The following DCTN5 variants were observed in gnomAD, a reference collection of about 807,000 sequenced individuals.
DCTN5 encodes dynactin 4.
In DCTN5, 14 loss-of-function variants were observed where a neutral mutation model predicts 23.5. That is an observed-to-expected ratio of 0.60 (90% confidence interval 0.39 to 0.93). The LOEUF (loss-of-function observed/expected upper bound fraction) is 0.93, where lower values mean the gene tolerates loss of function less well. DCTN5 is among the 40% of genes least tolerant of loss of function. The pLI is 0.00. For missense variants in DCTN5, 156 were observed against 225.9 expected (o/e 0.69, Z 1.98); for synonymous variants, 67 against 79.6 (o/e 0.84, Z 0.84).
chr16:23,664,059 A>G (rs1159804769), intron 4 of DCTN5, among the ~76,000 whole-genome samples: 3 of 152,182 alleles, frequency 2.0e-5, no homozygotes, highest in African/African-American at 7.2e-5. Flanking sequence ...TCATGAACTT[A>G]GTCTGAGTTA....
At position 23,641,477 on chromosome 16, in the gene DCTN5, G is replaced by A. The variant is rs1567226309; in HGVS notation, c.-66G>A. ...GTGGAGGAGCGGCCGGAAGTAGCCG[G>A]AATCTCTGAAAGACTGACCGACTGA... On this transcript the variant is annotated 5_prime_UTR_variant, in exon 1 of 6. Coordinates refer to ENST00000300087, the MANE Select transcript of DCTN5 (RefSeq NM_032486.4). The A allele has an allele frequency of 1.3e-6, 2 of 1,596,764 alleles. No individual in the cohort carries two copies. Among genetic ancestry groups the A allele is most frequent in the Non-Finnish European group, 1.7e-6 (2 of 1,165,976 alleles).
rs759742267 is a variant in DCTN5, at chr16:23,658,524, CTG to C, written c.137_138del (p.Cys46TyrfsTer21). 4 of 1,613,846 alleles carry C rather than the reference CTG, an allele frequency of 2.5e-6. No homozygotes were observed. The highest frequency in any genetic ancestry group is 1.3e-5 in the African/African-American group (1 of 74,894). On this transcript the variant is annotated frameshift_variant, in exon 3 of 6. Transcript: ENST00000300087. LOFTEE classifies it high-confidence loss of function. ...TCTTACAGACCATTGTGATGAATGA[CTG>C]TATTATCCGAGGGGATCTGGCAAAT... ...LNGKTIVMND[C>X]IIRGDLANVR...
rs1968048662 is a variant in DCTN5 at position 23,673,699 on chromosome 16, G to C, written c.*6555G>C. 1 of 152,174 alleles carries C rather than the reference G, an allele frequency of 6.6e-6. No individual in the cohort carries two copies. Among genetic ancestry groups the C allele is most frequent in the African/African-American group, 2.4e-5 (1 of 41,444 alleles). The allele number at this position is 152,174 out of a possible 1,614,324, so 9.4% of individuals were successfully genotyped here. A position where few individuals can be genotyped will look rare whatever the true frequency, so the allele number is the denominator to read the frequency against. ...GGTGTTAGTGGGATACAGCTTTCTA[G>C]TTTTTTGCCACTAGTGGATAGGTTG... is the stretch of plus-strand genomic sequence containing the variant. On this transcript the variant is annotated 3_prime_UTR_variant, in exon 6 of 6. Transcript: ENST00000300087.
chr16:23,671,975 G>C lies in DCTN5; in HGVS notation c.*4831G>C, dbSNP rs1168452847. On this transcript the variant is annotated 3_prime_UTR_variant, in exon 6 of 6. Transcript: ENST00000300087. ...ACCCACTCTGGCTTTCATACCATGG[G>C]TCTGAACATTAGCCCATGGTGTTTC... 1 of 152,204 alleles carries C rather than the reference G, an allele frequency of 6.6e-6. No homozygotes were observed. The highest frequency in any genetic ancestry group is 2.4e-5 in the African/African-American group (1 of 41,436). 9.4% of individuals were successfully genotyped at this position (152,204 alleles called of 1,614,324 possible).
At chr16:23,659,568 A>C (rs766122448) in intron 3 of DCTN5, among the ~76,000 whole-genome samples, 8 of 152,366 alleles carry the variant, frequency 5.3e-5, no homozygotes, top group Non-Finnish European at 7.3e-5. Context: ...TCAGATAGCG[A>C]CATATGACAG....
In DCTN5 at chr16:23,661,174, G is replaced by T. The variant is rs1238029230; in HGVS notation, c.241G>T (p.Ala81Ser). The T allele has an allele frequency of 6.2e-7, 1 of 1,607,764 alleles. No individual in the cohort carries two copies. Among genetic ancestry groups the T allele is most frequent in the Non-Finnish European group, 8.5e-7 (1 of 1,175,832 alleles). Residue 81 changes from alanine (A) to serine (S), a missense_variant, in exon 4 of 6, where the codon GCA becomes TCA. Coordinates refer to ENST00000300087, the MANE Select transcript of DCTN5 (RefSeq NM_032486.4). ...PPFKKFSKGVAFFPLHIGDHV... is the reference protein window; with the variant it reads ...PPFKKFSKGVSFFPLHIGDHV... ...CATCTTCTTTTCCTCTTCTAGTGTTGCATTCTTTCCTTTACATATTGGAGA... is the reference window on the plus strand; with the variant it reads ...CATCTTCTTTTCCTCTTCTAGTGTTTCATTCTTTCCTTTACATATTGGAGA...
intron 2 of DCTN5, among the ~76,000 whole-genome samples, chr16:23,646,452 T>C (rs1967460546): frequency 6.6e-6 from 1 of 152,232 alleles, no homozygotes. Context: ...CTTCTGTTGC[T>C]TGTGTTTTTG....
At chr16:23,651,260 C>A in intron 2 of DCTN5, 1 of 953,950 alleles carries the variant, frequency 1.0e-6, no homozygotes, top group Non-Finnish European at 1.3e-6. Context: ...CACCTCCTTT[C>A]ATTTGCTTCT....
chr16:23,647,141 T>G (rs1223837798), intron 2 of DCTN5, among the ~76,000 whole-genome samples: 1 of 151,956 alleles, frequency 6.6e-6, no homozygotes, highest in Non-Finnish European at 1.5e-5. Flanking sequence ...TCTGGTTTTT[T>G]TTTTTTTTTG....
chr16:23,654,361 C>G (rs1464470915), intron 2 of DCTN5, among the ~76,000 whole-genome samples: 8 of 152,078 alleles, frequency 5.3e-5, no homozygotes, highest in Non-Finnish European at 1.5e-5. Flanking sequence ...AGAATGAGAT[C>G]ATATTTTTTG....
intron 2 of DCTN5, among the ~76,000 whole-genome samples, chr16:23,648,491 A>G (rs1224479590): frequency 6.6e-6 from 1 of 151,912 alleles, no homozygotes; most frequent in Non-Finnish European, 1.5e-5. Context: ...CTGGGATTAC[A>G]GGTGCACACC....
intron 2 of DCTN5, among the ~76,000 whole-genome samples, chr16:23,645,336 G>A (rs555416261): frequency 1.3e-5 from 2 of 150,810 alleles, no homozygotes; most frequent in African/African-American, 2.4e-5. Flanking sequence ...TGTTGATCAG[G>A]CTGGTCTCGA....
At position 23,676,952 on chromosome 16, in the gene DCTN5, CAT is replaced by C. The variant is rs965019598; in HGVS notation, c.*9811_*9812del. The C allele has an allele frequency of 1.2e-4, 18 of 152,230 alleles. No individual in the cohort carries two copies. The highest frequency in any genetic ancestry group is 4.3e-4 in the African/African-American group (18 of 41,446). The allele number at this position is 152,230 out of a possible 1,614,324, so 9.4% of individuals were successfully genotyped here. A position where few individuals can be genotyped will look rare whatever the true frequency, so the allele number is the denominator to read the frequency against. ...GCTTTCCTTCTGGGAGTCAGATTTT[CAT>C]ATGTGTTAGGCAGAGGATGAGGTGA... On this transcript the variant is annotated 3_prime_UTR_variant, in exon 6 of 6. Coordinates refer to ENST00000300087, the MANE Select transcript of DCTN5 (RefSeq NM_032486.4).
At chr16:23,657,830 T>G (rs1446077895) in intron 2 of DCTN5, among the ~76,000 whole-genome samples, 1 of 152,236 alleles carries the variant, frequency 6.6e-6, no homozygotes, top group African/African-American at 2.4e-5. Context: ...GCATACATAA[T>G]TCCTCATAAT....
intron 5 of DCTN5, chr16:23,666,712 C>A: frequency 2.3e-6 from 1 of 426,684 alleles, no homozygotes; most frequent in South Asian, 4.3e-5. Flanking sequence ...AAAAATAAAT[C>A]TCATCTCTCA....
intron 2 of DCTN5, among the ~76,000 whole-genome samples, chr16:23,649,164 T>G (rs556760683): frequency 1.3e-5 from 2 of 152,156 alleles, no homozygotes; most frequent in Admixed American, 6.5e-5. Context: ...CCTGGCTGAT[T>G]AGTGATGTTT....
intron 2 of DCTN5, among the ~76,000 whole-genome samples, chr16:23,653,680 A>G (rs1369054491): frequency 6.6e-6 from 1 of 152,360 alleles, no homozygotes; most frequent in South Asian, 2.1e-4. Flanking sequence ...AGCAATTGCA[A>G]CAAAGCGAAA....
In DCTN5 at chr16:23,672,044, T is replaced by C. The variant is rs1266454428; in HGVS notation, c.*4900T>C. Reference sequence around the variant, plus strand: ...GCCATTTCAGCTGCATTCATCTCAGTTGGTGTTGTCTGCTGGCTGCTCTTT... The same window carrying C: ...GCCATTTCAGCTGCATTCATCTCAGCTGGTGTTGTCTGCTGGCTGCTCTTT... On this transcript the variant is annotated 3_prime_UTR_variant, in exon 6 of 6. Coordinates refer to ENST00000300087, the MANE Select transcript of DCTN5 (RefSeq NM_032486.4). 3 of 152,110 alleles carry C rather than the reference T, an allele frequency of 2.0e-5. No homozygotes were observed. Among genetic ancestry groups the C allele is most frequent in the Non-Finnish European group, 4.4e-5 (3 of 68,038 alleles). The allele number at this position is 152,110 out of a possible 1,614,324, so 9.4% of individuals were successfully genotyped here.
intron 4 of DCTN5, 57 bp downstream of exon 4, chr16:23,661,338 C>T (rs1275252108): frequency 4.0e-6 from 5 of 1,249,192 alleles, no homozygotes; most frequent in Non-Finnish European, 5.8e-6. Context: ...GCTCCCATCC[C>T]TCACTTCGGT....
Sources: allele counts gnomAD v4.1 joint callset (sites outside exome capture counted in the v4.1 genomes callset), GRCh38; gene constraint gnomAD v4.1.1; transcripts MANE v1.5; gene names NCBI Gene and HGNC (gene_info 2026-07-23, HGNC 2026-07-21).